The following ZNF578 variants were observed in gnomAD, a reference collection of about 807,000 sequenced individuals.
ZNF578 encodes Putative chemokine-related protein B42.
In ZNF578, 8 loss-of-function variants were observed where a neutral mutation model predicts 8.3. The ratio of observed to expected loss-of-function variants is 0.96; its 90% CI spans 0.56 to 1.74. The LOEUF is 1.74. Among genes scored for constraint, ZNF578 ranks in the 40% most tolerant of loss-of-function variants. The pLI, the probability that ZNF578 is intolerant of heterozygous loss-of-function variation, is 0.00. For missense variants in ZNF578, 726 were observed against 707.5 expected, an observed-to-expected ratio of 1.03 and a Z score of -0.30; for synonymous variants, 206 against 232.2, an observed-to-expected ratio of 0.89 and a Z score of 1.03.
intron 3 of ZNF578, among the ~76,000 whole-genome samples, chr19:52,493,227 C>T (rs1416611959): frequency 6.6e-6 from 1 of 152,132 alleles, no homozygotes; most frequent in Admixed American, 6.5e-5. Flanking sequence ...CGCCCCGGGC[C>T]CAGTCCTGGG....
At chr19:52,459,713 A>ATGTGTGTATATGTGTG (rs1187045005) in intron 2 of ZNF578, among the ~76,000 whole-genome samples, 59 of 18,234 alleles carry the variant, frequency 3.2e-3, no homozygotes, top group East Asian at 0.016. Context: ...ATATGTAGAT[A>ATGTGTGTATATGTGTG]TGTGTGTGTG....
chr19:52,495,624 G>A (rs172955), intron 3 of ZNF578, among the ~76,000 whole-genome samples: 42,968 of 151,410 alleles, frequency 0.28, 6,564 homozygotes, highest in East Asian at 0.48. Context: ...GCAGATGAGC[G>A]GTGAGTTGAT....
chr19:52,479,505 A>G (rs2059318625), intron 2 of ZNF578, among the ~76,000 whole-genome samples: 1 of 145,008 alleles, frequency 6.9e-6, no homozygotes, highest in African/African-American at 2.6e-5. Context: ...ATTGCACTCC[A>G]GCCTGGGAGA....
chr19:52,458,468 T>TTTTATATATATA (rs1555751152), intron 2 of ZNF578: 56 of 121,750 alleles, frequency 4.6e-4, no homozygotes, highest in South Asian at 1.5e-3. Context: ...GCTACTATGT[T>TTTTATATATATA]TATATATATA....
At chr19:52,466,662 C>A (rs2059276094) in intron 2 of ZNF578, among the ~76,000 whole-genome samples, 1 of 152,118 alleles carries the variant, frequency 6.6e-6, no homozygotes, top group Admixed American at 6.5e-5. Flanking sequence ...TTGAAAAACT[C>A]ACTTGTGGAC....
intron 3 of ZNF578, among the ~76,000 whole-genome samples, chr19:52,498,397 TCTC>T (rs1241210015): frequency 6.9e-6 from 1 of 145,014 alleles, no homozygotes; most frequent in Non-Finnish European, 1.5e-5. Flanking sequence ...AGTGGCGCAA[TCTC>T]CTCTCACTGC....
chr19:52,492,472 TAGAA>T (rs1289258589), intron 3 of ZNF578, among the ~76,000 whole-genome samples: 1 of 152,122 alleles, frequency 6.6e-6, no homozygotes, highest in Non-Finnish European at 1.5e-5. Flanking sequence ...GAATGGCGAA[TAGAA>T]AGAGAGAGGA....
chr19:52,494,853 A>G (rs1241778645), intron 3 of ZNF578, among the ~76,000 whole-genome samples: 2 of 152,094 alleles, frequency 1.3e-5, no homozygotes, highest in African/African-American at 4.8e-5. Flanking sequence ...ATATTTTGAG[A>G]CAGGGTCTGG....
chr19:52,474,584 G>A (rs2059302279), intron 2 of ZNF578: 1 of 306,860 alleles, frequency 3.3e-6, no homozygotes. Flanking sequence ...TGAATTCTCT[G>A]ATGTCATGCA....
intron 5 of ZNF578, among the ~76,000 whole-genome samples, chr19:52,508,893 A>ATT (rs869062581): frequency 0.016 from 1,309 of 82,108 alleles, 153 homozygotes; most frequent in Middle Eastern, 0.034. Flanking sequence ...CTATTAGTCA[A>ATT]TTTTTTTTTT....
At chr19:52,490,263 C>T (rs1330207834) in intron 2 of ZNF578, among the ~76,000 whole-genome samples, 1 of 152,108 alleles carries the variant, frequency 6.6e-6, no homozygotes, top group Non-Finnish European at 1.5e-5. Context: ...ATCACAATTG[C>T]ACCCTCTGAC....
At chr19:52,496,325 G>GTTATTTAT (rs143811534) in intron 3 of ZNF578, among the ~76,000 whole-genome samples, 1,563 of 146,190 alleles carry the variant, frequency 0.011, 34 homozygotes, top group African/African-American at 0.037. Context: ...CTCATTTGTT[G>GTTATTTAT]TTATTTATTT....
rs561124911 is a variant in ZNF578, at chr19:52,513,878, A to G, written c.*1724A>G. Among the ~76,000 whole-genome samples, 1 of 152,272 alleles carries G rather than the reference A, an allele frequency of 6.6e-6. No individual in the cohort carries two copies. Among genetic ancestry groups the G allele is most frequent in the East Asian group, 1.9e-4 (1 of 5,178 alleles). On this transcript the variant is annotated 3_prime_UTR_variant, in exon 6 of 6. Coordinates refer to ENST00000421239, the MANE Select transcript of ZNF578 (RefSeq NM_001099694.2). ...CATCTCTACTAAAAATACAAAAGTT[A>G]GCCAGGGGTGGGGGTGTGCACCTTT...
Position 52,477,615 on chromosome 19 carries a change from T to C in ZNF578, c.-121-13709T>C, listed in dbSNP as rs184610847. ...TTTTAGGGTTTTTTTTTTTTTTCCATTTTAGGGTTTGACCATTGGCTCTTT... is the reference window on the plus strand; with the variant it reads ...TTTTAGGGTTTTTTTTTTTTTTCCACTTTAGGGTTTGACCATTGGCTCTTT... On this transcript the variant is annotated intron_variant, in intron 2 of 5. Coordinates refer to ENST00000421239, the MANE Select transcript of ZNF578 (RefSeq NM_001099694.2). Among the ~76,000 whole-genome samples, 264 of 151,562 alleles carry C rather than the reference T, an allele frequency of 1.7e-3. 1 individual carries two copies. The highest frequency in any genetic ancestry group is 2.1e-3 in the Non-Finnish European group (142 of 67,936).
chr19:52,463,543 G>T (rs2059265177), intron 2 of ZNF578, among the ~76,000 whole-genome samples: 2 of 93,280 alleles, frequency 2.1e-5, no homozygotes, highest in African/African-American at 6.3e-5. Context: ...TGGAAGATTG[G>T]TATGTGCTAG....
chr19:52,482,083 G>C (rs1268241531), intron 2 of ZNF578, among the ~76,000 whole-genome samples: 1 of 152,142 alleles, frequency 6.6e-6, no homozygotes, highest in Non-Finnish European at 1.5e-5. Flanking sequence ...GTCCAGGCTG[G>C]AGTGCAATGG....
chr19:52,503,247 C>G (rs1375693568), intron 4 of ZNF578, among the ~76,000 whole-genome samples: 4 of 152,162 alleles, frequency 2.6e-5, no homozygotes, highest in Admixed American at 1.3e-4. Context: ...GTAATGCAAT[C>G]ATAGCTTGCT....
At chr19:52,479,768 C>G (rs777478598) in intron 2 of ZNF578, among the ~76,000 whole-genome samples, 1 of 152,020 alleles carries the variant, frequency 6.6e-6, no homozygotes, top group Non-Finnish European at 1.5e-5. Context: ...CATTCTCATT[C>G]CTTACCAGAC....
chr19:52,486,442 T>C (rs2059346165), intron 2 of ZNF578, among the ~76,000 whole-genome samples: 1 of 151,896 alleles, frequency 6.6e-6, no homozygotes, highest in Non-Finnish European at 1.5e-5. Flanking sequence ...TGTCAAGAGA[T>C]GGCAAAAGTG....
Sources: gnomAD v4.1 joint callset for allele counts (sites outside exome capture counted in the v4.1 genomes callset) on GRCh38, gnomAD v4.1.1 for gene constraint, MANE v1.5 for transcripts, NCBI Gene and HGNC (gene_info 2026-07-23, HGNC 2026-07-21) for gene names.